The following TEAD2 variants were observed in gnomAD, a reference collection of about 807,000 sequenced individuals.
TEAD2 encodes the protein transcriptional enhancer factor TEF-4.
Under a neutral mutation model 61.4 loss-of-function variants are expected in TEAD2, and 51 were observed. The ratio of observed to expected loss-of-function variants is 0.83; its 90% CI spans 0.66 to 1.05. The LOEUF (loss-of-function observed/expected upper bound fraction) is 1.05. Ranked by LOEUF, TEAD2 falls within the 50% of genes least tolerant of loss-of-function variation. The probability of loss-of-function intolerance (pLI) is 0.00; values close to 1 mark genes in which losing one functional copy is unlikely to be tolerated. For missense variants in TEAD2, 509 were observed against 600.0 expected (o/e 0.85, Z 1.58); for synonymous variants, 244 against 243.2 (o/e 1.00, Z -0.03).
chr19:49,348,855 G>A lies in TEAD2; in HGVS notation c.605-10C>T. ...TGGGGGGGCTCGTACCCTAGAGAGA[G>A]AGAAGAAAGAACAATACAAATTGCT... is the stretch of plus-strand genomic sequence containing the variant. On this transcript the variant is annotated splice_polypyrimidine_tract_variant and intron_variant, in intron 8 of 12. Coordinates refer to ENST00000593945, the MANE Select transcript of TEAD2 (RefSeq NM_001256660.2). The A allele has an allele frequency of 1.3e-6, 2 of 1,514,726 alleles. No individual in the cohort carries two copies. Among genetic ancestry groups the A allele is most frequent in the Non-Finnish European group, 1.8e-6 (2 of 1,136,188 alleles). 93.8% of individuals were successfully genotyped at this position (1,514,726 alleles called of 1,614,324 possible).
chr19:49,345,094 C>T (rs1031496600), intron 10 of TEAD2, among the ~76,000 whole-genome samples: 3 of 152,160 alleles, frequency 2.0e-5, no homozygotes, highest in African/African-American at 7.2e-5. Context: ...AAGGGGGTGG[C>T]TCTCCAGTCC....
In TEAD2 at chr19:49,359,566, C is replaced by T. The variant is rs370191490; in HGVS notation, c.233-67G>A. On this transcript the variant is annotated intron_variant, in intron 2 of 12. Transcript: ENST00000593945. This position sits in a 1 kb window ranked among gnomAD's most constrained non-coding sequence, Gnocchi z 4.1. ...CAGAACTTCCCCACAGCATGGACAC[C>T]AGGGAAGAAGAAAGCAGCATGGGTC... The T allele has an allele frequency of 6.4e-7, 1 of 1,565,442 alleles. No homozygotes were observed. Among genetic ancestry groups the T allele is most frequent in the Non-Finnish European group, 8.8e-7 (1 of 1,136,508 alleles).
At chr19:49,342,360 C>T (rs959550385) in intron 12 of TEAD2, 78 bp downstream of exon 12, 114 of 1,549,056 alleles carry the variant, frequency 7.4e-5, no homozygotes, top group Non-Finnish European at 1.0e-4. Flanking sequence ...GTGAGGAGAT[C>T]CCCTAGACTG....
chr19:49,355,017 A>G (rs1282224970), intron 7 of TEAD2, 131 bp downstream of exon 7: 1 of 648,880 alleles, frequency 1.5e-6, no homozygotes. Flanking sequence ...ATACATACAT[A>G]CATGCATACA....
At chr19:49,349,324 A>G (rs902824243) in intron 8 of TEAD2, among the ~76,000 whole-genome samples, 2 of 152,162 alleles carry the variant, frequency 1.3e-5, no homozygotes, top group African/African-American at 2.4e-5. Flanking sequence ...TTAGCTGGGC[A>G]TGGTGGCACG....
At chr19:49,360,518 G>A in intron 1 of TEAD2, 1 of 184,626 alleles carries the variant, frequency 5.4e-6, no homozygotes, top group Non-Finnish European at 1.1e-5. Flanking sequence ...AAGTCACAAT[G>A]ATTACCCTAG....
At chr19:49,354,558 T>C (rs1250818795) in intron 7 of TEAD2, among the ~76,000 whole-genome samples, 1 of 151,604 alleles carries the variant, frequency 6.6e-6, no homozygotes, top group East Asian at 1.9e-4. Flanking sequence ...CCCATTTCTA[T>C]TCTTGTAGGC....
At chr19:49,346,332 T>C (rs189995804) in intron 10 of TEAD2, among the ~76,000 whole-genome samples, 7 of 152,044 alleles carry the variant, frequency 4.6e-5, no homozygotes, top group Admixed American at 1.3e-4. Context: ...GGCGTCTATA[T>C]AGGAAGTGCT....
intron 1 of TEAD2, chr19:49,361,789 C>G (rs1029483905): frequency 6.7e-6 from 1 of 148,596 alleles, no homozygotes; most frequent in South Asian, 2.1e-4. Context: ...TCCCGCCGAC[C>G]ATAGCAGACA....
At chr19:49,349,689 T>G (rs1971888358) in intron 8 of TEAD2, among the ~76,000 whole-genome samples, 1 of 152,160 alleles carries the variant, frequency 6.6e-6, no homozygotes, top group African/African-American at 2.4e-5. Context: ...CCTTCCACCA[T>G]GGTCCTAAGC....
chr19:49,360,834 C>A (rs112219113), intron 1 of TEAD2, among the ~76,000 whole-genome samples: 1,379 of 96,650 alleles, frequency 0.014, 66 homozygotes, highest in African/African-American at 0.062. Flanking sequence ...GAGAAGGGGA[C>A]AGAGACCAGA....
intron 8 of TEAD2, among the ~76,000 whole-genome samples, chr19:49,350,519 G>C (rs186381167): frequency 3.3e-5 from 5 of 151,876 alleles, no homozygotes; most frequent in Non-Finnish European, 5.9e-5. Flanking sequence ...TAGAGGTTGG[G>C]GGGGGTGGTT....
intron 10 of TEAD2, among the ~76,000 whole-genome samples, chr19:49,344,300 T>C (rs1246195451): frequency 6.6e-6 from 1 of 151,978 alleles, no homozygotes; most frequent in African/African-American, 2.4e-5. Flanking sequence ...CTTTTTTTTT[T>C]TTCTGAGATG....
intron 9 of TEAD2, 113 bp downstream of exon 9, chr19:49,348,590 T>C: frequency 1.0e-6 from 1 of 1,002,050 alleles, no homozygotes; most frequent in Middle Eastern, 2.2e-4. Flanking sequence ...TAAGAAGCCC[T>C]TCAGATGATT....
At chr19:49,344,571 G>A (rs1221152809) in intron 10 of TEAD2, among the ~76,000 whole-genome samples, 2 of 152,182 alleles carry the variant, frequency 1.3e-5, no homozygotes, top group Admixed American at 1.3e-4. Flanking sequence ...ATGAGCCACT[G>A]TGTCCAGCCA....
chr19:49,351,177 C>CA (rs1448902738), intron 8 of TEAD2, 124 bp downstream of exon 8: 1 of 1,021,744 alleles, frequency 9.8e-7, no homozygotes, highest in Non-Finnish European at 1.4e-6. Context: ...GACTCCATCT[C>CA]AAAACAAAAC....
intron 9 of TEAD2, 131 bp downstream of exon 9, chr19:49,348,572 C>G: frequency 1.1e-6 from 1 of 880,004 alleles, no homozygotes; most frequent in East Asian, 2.4e-5. Context: ...AGAAAGCAAT[C>G]TCTGTTTTAA....
At chr19:49,351,460 T>A in intron 7 of TEAD2, 95 bp from the exon 8 acceptor site, 2 of 1,151,148 alleles carry the variant, frequency 1.7e-6, no homozygotes, top group Non-Finnish European at 2.5e-6. Context: ...CAAGACCCTG[T>A]GCATTTTGTG....
chr19:49,359,496 C>T lies in TEAD2; in HGVS notation c.236G>A (p.Arg79Gln), dbSNP rs1972660878. 1 of 1,614,000 alleles carries T rather than the reference C, an allele frequency of 6.2e-7. No individual in the cohort carries two copies. Among genetic ancestry groups the T allele is most frequent in the South Asian group, 1.1e-5 (1 of 91,078 alleles). ...ILSDEGKMYG[R>Q]NELIARYIKL... is the part of the protein sequence containing the mutation. ...GATGTAGCGGGCGATCAGTTCATTCCGACCTGAAGATTCAAAGACGGAACA... is the reference window on the plus strand; with the variant it reads ...GATGTAGCGGGCGATCAGTTCATTCTGACCTGAAGATTCAAAGACGGAACA... The change falls in exon 3 of 13, where the codon CGG becomes CAG. Residue 79 changes from arginine (R) to glutamine (Q), a missense_variant. Coordinates refer to ENST00000593945, the MANE Select transcript of TEAD2 (RefSeq NM_001256660.2). The surrounding 1 kb of genome is among the most constrained non-coding windows in gnomAD (Gnocchi z 4.1).
Sources: allele counts gnomAD v4.1 joint callset (sites outside exome capture counted in the v4.1 genomes callset), GRCh38; gene constraint gnomAD v4.1.1; non-coding constraint Gnocchi (gnomAD v3.1); transcripts MANE v1.5; gene names NCBI Gene and HGNC (gene_info 2026-07-23, HGNC 2026-07-21).